Variants in GTF3C2 observed in about 807,000 individuals in gnomAD.
The protein encoded by GTF3C2 is general transcription factor IIIC subunit 2.
Under a neutral mutation model 117.4 loss-of-function variants are expected in GTF3C2, and 17 were observed. That is an observed-to-expected ratio of 0.14 (90% CI 0.10 to 0.22). The LOEUF is 0.22. Ranked by LOEUF, GTF3C2 falls within the 10% of genes least tolerant of loss-of-function variation. The pLI is 1.00. For missense variants in GTF3C2, 888 were observed against 1,143.6 expected, an observed-to-expected ratio of 0.78 and a Z score of 3.22; for synonymous variants, 437 against 427.0, an observed-to-expected ratio of 1.02 and a Z score of -0.29.
chr2:27,343,427 G>T (rs368569454), exon 2 of GTF3C2: 1 of 1,614,020 alleles, frequency 6.2e-7, no homozygotes, highest in East Asian at 2.2e-5. Context: ...CTCTGCACTG[G>T]TCATTTCTGA....
exon 19 of GTF3C2, chr2:27,326,730 G>T (rs1327319274): frequency 1.9e-6 from 3 of 1,613,986 alleles, no homozygotes; most frequent in Non-Finnish European, 1.7e-6. Context: ...CCGTCTAGTG[G>T]GGGAGGATGG....
chr2:27,336,126 CCCCTATCCTGTCCAGA>C, intron 8 of GTF3C2, 56 bp downstream of exon 8: 3 of 1,421,716 alleles, frequency 2.1e-6, no homozygotes, highest in Middle Eastern at 1.8e-4. Context: ...CAAGCCCTTC[CCCCTATCCTGTCCAGA>C]CCCCATCCTG....
At chr2:27,337,191 T>C in intron 7 of GTF3C2, 53 bp downstream of exon 7, 1 of 1,045,660 alleles carries the variant, frequency 9.6e-7, no homozygotes, top group Non-Finnish European at 1.5e-6. Flanking sequence ...ACATTCATTT[T>C]TCTTGTTTCT....
chr2:27,345,096 C>T (rs2148317738), intron 1 of GTF3C2, among the ~76,000 whole-genome samples: 1 of 150,558 alleles, frequency 6.6e-6, no homozygotes, highest in East Asian at 1.9e-4. Context: ...CCATCCTGGG[C>T]AACAGAGTGA....
chr2:27,354,055 T>TAA (rs11399437), intron 1 of GTF3C2, among the ~76,000 whole-genome samples: 2,047 of 117,116 alleles, frequency 0.017, 25 homozygotes, highest in Admixed American at 0.026. Context: ...AGCAAAACAT[T>TAA]AAAAAAAAAA....
intron 1 of GTF3C2, among the ~76,000 whole-genome samples, chr2:27,352,641 C>A (rs1020077775): frequency 2.6e-5 from 4 of 152,128 alleles, no homozygotes; most frequent in African/African-American, 9.7e-5. Context: ...CCTCCTCCTA[C>A]AGTCAAACTT....
At chr2:27,346,416 A>G (rs1423443041) in intron 1 of GTF3C2, among the ~76,000 whole-genome samples, 2 of 129,612 alleles carry the variant, frequency 1.5e-5, no homozygotes, top group African/African-American at 3.0e-5. Flanking sequence ...CAATGGTGCA[A>G]TCACAGCTCA....
exon 12 of GTF3C2, chr2:27,333,697 G>A: frequency 6.2e-7 from 1 of 1,607,590 alleles, no homozygotes; most frequent in Admixed American, 1.7e-5. Context: ...GGCCTGGTAG[G>A]CATCCAGGCC....
chr2:27,344,244 A>C (rs1450983694), intron 1 of GTF3C2, among the ~76,000 whole-genome samples: 1 of 152,038 alleles, frequency 6.6e-6, no homozygotes, highest in African/African-American at 2.4e-5. Flanking sequence ...GGCTGGTCTC[A>C]AACTCCTGAC....
At chr2:27,344,296 T>C (rs1166890989) in intron 1 of GTF3C2, among the ~76,000 whole-genome samples, 1 of 152,160 alleles carries the variant, frequency 6.6e-6, no homozygotes, top group African/African-American at 2.4e-5. Flanking sequence ...AGTGCTGGGA[T>C]TACAGATAAT....
Position 27,336,408 on chromosome 2 carries a change from G to GC in GTF3C2, c.1144dup (p.Ala382GlyfsTer41). Reference sequence around the variant, plus strand: ...GGACACATCCCAGCGCTCTGGATGTGCTGTGATCGAGCTAAATCTAGAGAA... The same window carrying GC: ...GGACACATCCCAGCGCTCTGGATGTGCCTGTGATCGAGCTAAATCTAGAGAA... On this transcript the variant is annotated frameshift_variant, in exon 8 of 19. Coordinates refer to ENST00000264720, the Ensembl canonical transcript of GTF3C2. LOFTEE classifies it high-confidence loss of function. 6.2e-7 allele frequency: 1 copy of GC among 1,602,750 alleles called. No homozygotes were observed. The highest frequency in any genetic ancestry group is 2.2e-5 in the East Asian group (1 of 44,780).
At chr2:27,336,797 T>C (rs927654435) in intron 7 of GTF3C2, 2 of 230,256 alleles carry the variant, frequency 8.7e-6, no homozygotes, top group Non-Finnish European at 1.7e-5. Flanking sequence ...TTTGTAGAGA[T>C]AGGGGTCTTG....
intron 12 of GTF3C2, among the ~76,000 whole-genome samples, chr2:27,332,859 G>A (rs1680327388): frequency 6.6e-6 from 1 of 151,822 alleles, no homozygotes; most frequent in African/African-American, 2.4e-5. Context: ...GGGACTACAG[G>A]TGCAATCTAT....
rs1416787410 is a variant in GTF3C2, at chr2:27,329,354, C to T, written c.1877+25G>A. 7.4e-6 allele frequency: 12 copies of T among 1,613,980 alleles called. No homozygotes were observed. Among genetic ancestry groups the T allele is most frequent in the Non-Finnish European group, 1.0e-5 (12 of 1,179,838 alleles). ...AGCCTGTCCCAGTCTTCACCTTCCCCCTCCACATACCTCCTATTCCATACC... is the reference window on the plus strand; with the variant it reads ...AGCCTGTCCCAGTCTTCACCTTCCCTCTCCACATACCTCCTATTCCATACC... On this transcript the variant is annotated intron_variant, in intron 13 of 18. Transcript: ENST00000264720. This position sits in a 1 kb window ranked among gnomAD's most constrained non-coding sequence, Gnocchi z 4.5.
At chr2:27,338,124 C>T (rs1680564128) in intron 4 of GTF3C2, 104 bp from the exon 5 acceptor site, 14 of 761,798 alleles carry the variant, frequency 1.8e-5, no homozygotes, top group South Asian at 1.7e-4. Context: ...GCAATACCTC[C>T]CCCTCCAATC....
At chr2:27,355,456 G>T (rs938821955) in intron 1 of GTF3C2, among the ~76,000 whole-genome samples, 8 of 151,638 alleles carry the variant, frequency 5.3e-5, no homozygotes, top group African/African-American at 1.9e-4. Context: ...GGAGGCGGAG[G>T]TTGCAGTGAG....
intron 1 of GTF3C2, among the ~76,000 whole-genome samples, chr2:27,354,649 G>C (rs1681262550): frequency 6.6e-6 from 1 of 151,954 alleles, no homozygotes; most frequent in Admixed American, 6.6e-5. Flanking sequence ...CATCTACTCG[G>C]GAGGCTGAGA....
intron 3 of GTF3C2, 75 bp downstream of exon 3, chr2:27,342,751 C>T: frequency 8.9e-7 from 1 of 1,123,528 alleles, no homozygotes; most frequent in Non-Finnish European, 1.3e-6. Context: ...CATCAGTCTT[C>T]TCTCTCCAAC....
chr2:27,350,643 A>AT (rs1553391570), intron 1 of GTF3C2: 4 of 313,178 alleles, frequency 1.3e-5, no homozygotes, highest in African/African-American at 2.3e-5. Flanking sequence ...CTGCAAAAAA[A>AT]TTTTTTTTGA....
Sources: allele counts gnomAD v4.1 joint callset (sites outside exome capture counted in the v4.1 genomes callset), GRCh38; gene constraint gnomAD v4.1.1; non-coding constraint Gnocchi (gnomAD v3.1); transcripts MANE v1.5; gene names NCBI Gene and HGNC (gene_info 2026-07-23, HGNC 2026-07-21).